Variants in FHIP1A observed in about 807,000 individuals in gnomAD.
The protein encoded by FHIP1A is FHF complex subunit HOOK interacting protein 1A.
A neutral mutation model predicts 88.6 loss-of-function variants in FHIP1A; 61 were observed. The ratio of observed to expected loss-of-function variants is 0.69; its 90% CI spans 0.56 to 0.85. FHIP1A has a LOEUF of 0.85. FHIP1A is among the 40% of genes least tolerant of loss of function. The probability of loss-of-function intolerance (pLI) is 0.00; values close to 1 mark genes in which losing one functional copy is unlikely to be tolerated. For missense variants in FHIP1A, 1,154 were observed against 1,273.5 expected (o/e 0.91, Z 1.43); for synonymous variants, 478 against 496.0 (o/e 0.96, Z 0.48).
At chr4:151,442,637 T>G (rs1439380750) in intron 1 of FHIP1A, among the ~76,000 whole-genome samples, 1 of 152,184 alleles carries the variant, frequency 6.6e-6, no homozygotes, top group Non-Finnish European at 1.5e-5. Context: ...TTGGCTTCAT[T>G]TAGCCTGTGG....
chr4:151,587,501 CT>C (rs34464145), intron 6 of FHIP1A, among the ~76,000 whole-genome samples: 4 of 149,266 alleles, frequency 2.7e-5, no homozygotes, highest in Admixed American at 1.3e-4. Flanking sequence ...AGTTTTCTTT[CT>C]TTTTTTTTCT....
intron 3 of FHIP1A, among the ~76,000 whole-genome samples, chr4:151,558,061 G>A (rs948352159): frequency 1.3e-5 from 2 of 152,130 alleles, no homozygotes; most frequent in Non-Finnish European, 2.9e-5. Context: ...TGATGCTTGG[G>A]ACAAAATGAA....
intron 1 of FHIP1A, among the ~76,000 whole-genome samples, chr4:151,445,671 T>G (rs1192976729): frequency 2.6e-5 from 4 of 151,536 alleles, no homozygotes; most frequent in Non-Finnish European, 4.4e-5. Flanking sequence ...GTGCCAGGAA[T>G]TAGGGGACAA....
chr4:151,504,315 C>A (rs1030911509), intron 3 of FHIP1A, among the ~76,000 whole-genome samples: 3 of 152,148 alleles, frequency 2.0e-5, no homozygotes, highest in African/African-American at 7.2e-5. Flanking sequence ...TTTAGTAATA[C>A]CAGCTTTGGA....
rs1051833972 is a variant in FHIP1A, at chr4:151,454,770, G to A, written c.-286G>A. On this transcript the variant is annotated 5_prime_UTR_variant, in exon 2 of 14. Transcript: ENST00000435205. ...CTCAATGTTTGACTATGAATGTTTC[G>A]TTATAACTGCCTGGAAGGTTAGCGT... 9.2e-5 allele frequency: 14 copies of A among 151,548 alleles called. No homozygotes were observed. Among genetic ancestry groups the A allele is most frequent in the African/African-American group, 2.4e-4 (10 of 41,176 alleles). 9.4% of individuals were successfully genotyped at this position (151,548 alleles called of 1,614,324 possible). A position where few individuals can be genotyped will look rare whatever the true frequency, so the allele number is the denominator to read the frequency against.
intron 8 of FHIP1A, among the ~76,000 whole-genome samples, chr4:151,631,556 T>G (rs1736158925): frequency 1.3e-5 from 2 of 152,124 alleles, no homozygotes; most frequent in African/African-American, 4.8e-5. Flanking sequence ...GTCAGCAAAA[T>G]GGTGGAATAG....
chr4:151,623,275 C>G (rs752611949), intron 7 of FHIP1A, among the ~76,000 whole-genome samples: 18 of 152,170 alleles, frequency 1.2e-4, no homozygotes, highest in Non-Finnish European at 2.2e-4. Flanking sequence ...TCTGTGTCCC[C>G]TCTTAACCAC....
intron 7 of FHIP1A, among the ~76,000 whole-genome samples, chr4:151,624,201 A>G (rs1366120965): frequency 1.3e-5 from 2 of 152,204 alleles, no homozygotes; most frequent in East Asian, 1.9e-4. Context: ...AAAACAATCA[A>G]CCAAATCCCA....
intron 9 of FHIP1A, among the ~76,000 whole-genome samples, chr4:151,639,602 C>T (rs1736493112): frequency 6.6e-6 from 1 of 152,120 alleles, no homozygotes; most frequent in Admixed American, 6.5e-5. Context: ...TTTGGTAAAC[C>T]CAGATCCTGA....
At position 151,662,612 on chromosome 4, in the gene FHIP1A, C is replaced by A. The variant is rs75005416; in HGVS notation, c.2981C>A (p.Pro994His). The A allele has an allele frequency of 6.4e-7, 1 of 1,551,666 alleles. No individual in the cohort carries two copies. Among genetic ancestry groups the A allele is most frequent in the Non-Finnish European group, 8.7e-7 (1 of 1,146,990 alleles). Reference sequence around the variant, plus strand: ...AGAACCAAGGTGGCTGAGGCACCCCCCAACCTGCCCCTGCCGGTGAGGAAC... The same window carrying A: ...AGAACCAAGGTGGCTGAGGCACCCCACAACCTGCCCCTGCCGGTGAGGAAC... ...THRTKVAEAP[P>H]NLPLPVRNPM... Residue 994 changes from proline to histidine, a missense_variant, in exon 14 of 14, where the codon CCC becomes CAC. Transcript: ENST00000435205.
intron 4 of FHIP1A, among the ~76,000 whole-genome samples, 197 bp from the exon 5 acceptor site, chr4:151,577,253 A>G: frequency 6.6e-6 from 1 of 152,306 alleles, no homozygotes. Flanking sequence ...ACATCTTCAG[A>G]CATCTTCTTT....
At chr4:151,582,398 T>C (rs985947255) in intron 5 of FHIP1A, among the ~76,000 whole-genome samples, 2 of 152,140 alleles carry the variant, frequency 1.3e-5, no homozygotes, top group African/African-American at 4.8e-5. Flanking sequence ...ATTGGAAACA[T>C]TTCTGTGCGT....
intron 2 of FHIP1A, among the ~76,000 whole-genome samples, chr4:151,462,475 C>G (rs544383353): frequency 6.6e-6 from 1 of 152,124 alleles, no homozygotes; most frequent in East Asian, 1.9e-4. Context: ...AATTTATAAC[C>G]CTTTCTGTGT....
At chr4:151,443,919 C>T (rs988817985) in intron 1 of FHIP1A, among the ~76,000 whole-genome samples, 9 of 151,954 alleles carry the variant, frequency 5.9e-5, no homozygotes, top group Non-Finnish European at 1.3e-4. Flanking sequence ...GGCCAGGCTG[C>T]GTGAAGGCTG....
At chr4:151,536,245 G>T (rs530229070) in intron 3 of FHIP1A, among the ~76,000 whole-genome samples, 1 of 152,264 alleles carries the variant, frequency 6.6e-6, no homozygotes, top group East Asian at 1.9e-4. Flanking sequence ...ATGGCATAAT[G>T]CCATAACCAG....
chr4:151,607,951 G>A (rs1241938616), intron 7 of FHIP1A, among the ~76,000 whole-genome samples: 7 of 148,714 alleles, frequency 4.7e-5, no homozygotes, highest in South Asian at 2.1e-4. Context: ...TATGCTTGTT[G>A]CTCCTTAACA....
At chr4:151,445,624 C>G (rs1399966955) in intron 1 of FHIP1A, among the ~76,000 whole-genome samples, 2 of 151,798 alleles carry the variant, frequency 1.3e-5, no homozygotes, top group South Asian at 2.1e-4. Context: ...CCCTCTTATC[C>G]CATCACCCAG....
At chr4:151,571,067 G>C (rs1385186025) in intron 4 of FHIP1A, among the ~76,000 whole-genome samples, 2 of 151,918 alleles carry the variant, frequency 1.3e-5, no homozygotes, top group Non-Finnish European at 2.9e-5. Context: ...TATTCAACTA[G>C]ACTGCCATGT....
At chr4:151,488,888 T>G (rs991378231) in intron 3 of FHIP1A, among the ~76,000 whole-genome samples, 50 of 152,304 alleles carry the variant, frequency 3.3e-4, no homozygotes, top group African/African-American at 1.2e-3. Flanking sequence ...TTCCTACTTT[T>G]GTAAAATAAC....
Sources: gnomAD v4.1 joint callset for allele counts (sites outside exome capture counted in the v4.1 genomes callset) on GRCh38, gnomAD v4.1.1 for gene constraint, MANE v1.5 for transcripts, NCBI Gene and HGNC (gene_info 2026-07-23, HGNC 2026-07-21) for gene names.